The following ATP2A2 variants were observed in gnomAD, a reference collection of about 807,000 sequenced individuals.
The protein encoded by ATP2A2 is sarcoplasmic/endoplasmic reticulum calcium ATPase 2.
A neutral mutation model predicts 109.3 loss-of-function variants in ATP2A2; 14 were observed. The ratio of observed to expected loss-of-function variants is 0.13; its 90% CI spans 0.08 to 0.20. The LOEUF is 0.20. ATP2A2 is among the 10% of genes least tolerant of loss of function. The pLI is 1.00. For synonymous variants in ATP2A2, 506 were observed against 490.9 expected (o/e 1.03, Z -0.41); for missense variants, 657 against 1,321.6 (o/e 0.50, Z 7.80).
chr12:110,342,580 C>A lies in ATP2A2; in HGVS notation c.2318+132C>A. ...GCCTGAGTTGGAAGAGGGGAGTGGGCAAGACAGAAATGCCTTATGGAAGCA... is the reference window on the plus strand; with the variant it reads ...GCCTGAGTTGGAAGAGGGGAGTGGGAAAGACAGAAATGCCTTATGGAAGCA... On this transcript the variant is annotated intron_variant, in intron 15 of 19. Coordinates refer to ENST00000539276, the MANE Select transcript of ATP2A2 (RefSeq NM_170665.4). This position sits in a 1 kb window ranked among gnomAD's most constrained non-coding sequence, Gnocchi z 4.6. The A allele has an allele frequency of 9.1e-7, 1 of 1,102,308 alleles. No homozygotes were observed. Among genetic ancestry groups the A allele is most frequent in the Non-Finnish European group, 1.3e-6 (1 of 745,218 alleles). 68.3% of individuals were successfully genotyped at this position (1,102,308 alleles called of 1,614,324 possible).
At chr12:110,343,758 A>AT (rs1210912135) in intron 16 of ATP2A2, among the ~76,000 whole-genome samples, 15 of 152,174 alleles carry the variant, frequency 9.9e-5, no homozygotes, top group Non-Finnish European at 1.8e-4. Flanking sequence ...CATAGGTGGG[A>AT]TTTAAATAGA....
chr12:110,291,738 C>T (rs866970489), intron 3 of ATP2A2, among the ~76,000 whole-genome samples: 2 of 151,286 alleles, frequency 1.3e-5, no homozygotes, highest in Middle Eastern at 3.4e-3. Flanking sequence ...CTTTGCCTCC[C>T]CAGGTTCAAG....
chr12:110,334,701 C>T (rs560724656), intron 11 of ATP2A2, among the ~76,000 whole-genome samples: 11 of 151,052 alleles, frequency 7.3e-5, no homozygotes, highest in African/African-American at 2.7e-4. Flanking sequence ...GATTCTCCTG[C>T]CTTAGCCTCC....
At position 110,337,337 on chromosome 12, in the gene ATP2A2, G is replaced by A. The variant is rs549520235; in HGVS notation, c.1420-1944G>A. 3.9e-5 allele frequency among the ~76,000 whole-genome samples: 6 copies of A among 152,292 alleles called. No individual in the cohort carries two copies. The East Asian group carries it at 9.6e-4, about 24-fold the overall frequency. On this transcript the variant is annotated intron_variant, in intron 11 of 19. Coordinates refer to ENST00000539276, the MANE Select transcript of ATP2A2 (RefSeq NM_170665.4). ...TGTGGTTCTTGGCCAGCCTAGTACT[G>A]AAAGGGATTTCCCTCCCCCACTCCC...
At position 110,345,937 on chromosome 12, in the gene ATP2A2, T is replaced by C. The variant is rs559098345; in HGVS notation, c.2742-64T>C. 5.4e-6 allele frequency: 8 copies of C among 1,490,730 alleles called. No homozygotes were observed. The East Asian group carries it at 9.0e-5, about 17-fold the overall frequency. 92.3% of individuals were successfully genotyped at this position (1,490,730 alleles called of 1,614,324 possible). A position where few individuals can be genotyped will look rare whatever the true frequency, so the allele number is the denominator to read the frequency against. On this transcript the variant is annotated intron_variant, in intron 18 of 19. Coordinates refer to ENST00000539276, the MANE Select transcript of ATP2A2 (RefSeq NM_170665.4). ...ACTGAAGTGTAGTCCAACAGGGTCT[T>C]ACTGCCACTGTGACACGTGCCTTGC... is the stretch of plus-strand genomic sequence containing the variant.
rs1196492971 is a variant in ATP2A2 at position 110,342,296 on chromosome 12, C to T, written c.2166C>T (p.Gly722=). 6.2e-7 allele frequency: 1 copy of T among 1,614,238 alleles called. No homozygotes were observed. Among genetic ancestry groups the T allele is most frequent in the Admixed American group, 1.7e-5 (1 of 60,024 alleles). The change falls in exon 15 of 20, where the codon GGC becomes GGT. Residue 722 remains glycine (G), a synonymous_variant. Coordinates refer to ENST00000539276, the MANE Select transcript of ATP2A2 (RefSeq NM_170665.4). This position sits in a 1 kb window ranked among gnomAD's most constrained non-coding sequence, Gnocchi z 4.6. ...KAEIGIAMGS[G]TAVAKTASEM... is the part of the protein sequence containing the mutation. Reference sequence around the variant, plus strand: ...AGATTGGCATTGCTATGGGCTCTGGCACTGCGGTGGCTAAAACCGCCTCTG... The same window carrying T: ...AGATTGGCATTGCTATGGGCTCTGGTACTGCGGTGGCTAAAACCGCCTCTG...
In ATP2A2 at chr12:110,347,082, G is replaced by GTGA; in HGVS notation, c.*615_*617dup. 4 of 1,030,782 alleles carry GTGA rather than the reference G, an allele frequency of 3.9e-6. No individual in the cohort carries two copies. Among genetic ancestry groups the GTGA allele is most frequent in the Non-Finnish European group, 4.6e-6 (4 of 871,310 alleles). The allele number at this position is 1,030,782 out of a possible 1,614,324, so 63.9% of individuals were successfully genotyped here. On this transcript the variant is annotated 3_prime_UTR_variant, in exon 20 of 20. Transcript: ENST00000539276. ...CCCGCTTGGCTTCTTCTTTAGGATT[G>GTGA]TGATGGTTCGTTCTGTTTACATCAG... is the stretch of plus-strand genomic sequence containing the variant.
chr12:110,301,974 C>T (rs548200279), intron 5 of ATP2A2, among the ~76,000 whole-genome samples: 3 of 152,256 alleles, frequency 2.0e-5, no homozygotes, highest in African/African-American at 2.4e-5. Context: ...TGACCTATCT[C>T]GCTTTCTCAC....
intron 3 of ATP2A2, among the ~76,000 whole-genome samples, chr12:110,287,187 A>G (rs1872745520): frequency 6.6e-6 from 1 of 152,124 alleles, no homozygotes; most frequent in Non-Finnish European, 1.5e-5. Context: ...CGGGAGGCGG[A>G]TGTTGCAGTG....
At chr12:110,282,912 C>T in intron 3 of ATP2A2, 117 bp downstream of exon 3, 1 of 911,496 alleles carries the variant, frequency 1.1e-6, no homozygotes, top group Admixed American at 2.1e-5. Flanking sequence ...CAAGCTGTGT[C>T]TCTATGTTTA....
At chr12:110,313,889 T>C (rs1279265979) in intron 5 of ATP2A2, among the ~76,000 whole-genome samples, 1 of 146,474 alleles carries the variant, frequency 6.8e-6, no homozygotes, top group Admixed American at 6.8e-5. Context: ...TTGTATTTTT[T>C]TTTTAGTAGA....
upstream of ATP2A2, chr12:110,281,035 G>A (rs537294758): frequency 7.2e-5 from 11 of 151,776 alleles, no homozygotes; most frequent in South Asian, 1.7e-3. Context: ...CCGCGACCGC[G>A]GCGCGCGCGG....
chr12:110,342,153 A>G lies in ATP2A2; in HGVS notation c.2098-75A>G. ...TCTATTCATTTTCCTCCTGCTTCCC[A>G]TTCAGTGGGCTTTTGCCTAGGGGTA... On this transcript the variant is annotated intron_variant, in intron 14 of 19. Coordinates refer to ENST00000539276, the MANE Select transcript of ATP2A2 (RefSeq NM_170665.4). This position sits in a 1 kb window ranked among gnomAD's most constrained non-coding sequence, Gnocchi z 4.6. 2 of 1,528,444 alleles carry G rather than the reference A, an allele frequency of 1.3e-6. No homozygotes were observed. Among genetic ancestry groups the G allele is most frequent in the Non-Finnish European group, 1.8e-6 (2 of 1,102,562 alleles). 94.7% of individuals were successfully genotyped at this position (1,528,444 alleles called of 1,614,324 possible).
At chr12:110,291,333 A>T (rs1873268647) in intron 3 of ATP2A2, among the ~76,000 whole-genome samples, 1 of 151,736 alleles carries the variant, frequency 6.6e-6, no homozygotes, top group Non-Finnish European at 1.5e-5. Flanking sequence ...CCTCCCCAGT[A>T]GGTGGGATTA....
chr12:110,324,875 G>C (rs1354450059), intron 6 of ATP2A2, among the ~76,000 whole-genome samples: 1 of 150,136 alleles, frequency 6.7e-6, no homozygotes, highest in Non-Finnish European at 1.5e-5. Context: ...GTGGCCCAGT[G>C]GCGCGATCTC....
intron 5 of ATP2A2, among the ~76,000 whole-genome samples, chr12:110,310,242 C>T (rs1440993634): frequency 2.0e-5 from 3 of 151,920 alleles, no homozygotes; most frequent in Non-Finnish European, 4.4e-5. Context: ...CTCCCTTGGC[C>T]TCCCAAAGTG....
intron 5 of ATP2A2, among the ~76,000 whole-genome samples, chr12:110,312,590 C>T (rs1356237621): frequency 6.6e-6 from 1 of 152,048 alleles, no homozygotes; most frequent in Non-Finnish European, 1.5e-5. Flanking sequence ...TGGCTCATGC[C>T]TGTAATCCCA....
chr12:110,311,746 AAAAG>A (rs1876099482), intron 5 of ATP2A2, among the ~76,000 whole-genome samples: 1 of 151,768 alleles, frequency 6.6e-6, no homozygotes, highest in Non-Finnish European at 1.5e-5. Flanking sequence ...AAAAAAAAAA[AAAAG>A]GTGTTGGCTG....
rs769422753 is a variant in ATP2A2 at position 110,347,014 on chromosome 12, C to A, written c.*544C>A. The A allele has an allele frequency of 2.7e-6, 3 of 1,100,552 alleles. No individual in the cohort carries two copies. Among genetic ancestry groups the A allele is most frequent in the Non-Finnish European group, 3.3e-6 (3 of 899,634 alleles). 68.2% of individuals were successfully genotyped at this position (1,100,552 alleles called of 1,614,324 possible). A position where few individuals can be genotyped will look rare whatever the true frequency, so the allele number is the denominator to read the frequency against. ...TACTTCCCTCACCCACTTTGGCCTC[C>A]GTTCACCCCACCCCACCCCACCTCT... On this transcript the variant is annotated 3_prime_UTR_variant, in exon 20 of 20. Transcript: ENST00000539276.
Sources: gnomAD v4.1 joint callset for allele counts (sites outside exome capture counted in the v4.1 genomes callset) on GRCh38, gnomAD v4.1.1 for gene constraint, Gnocchi (gnomAD v3.1) non-coding constraint, MANE v1.5 for transcripts, NCBI Gene and HGNC (gene_info 2026-07-23, HGNC 2026-07-21) for gene names.